Variants in ZHX2 observed in about 807,000 individuals in gnomAD.
ZHX2 encodes zinc fingers and homeoboxes protein 2.
In ZHX2, 6 loss-of-function variants were observed where a neutral mutation model predicts 21.9. The ratio of observed to expected loss-of-function variants is 0.27; its 90% CI spans 0.15 to 0.54. The LOEUF (loss-of-function observed/expected upper bound fraction) is 0.54, where lower values mean the gene tolerates loss of function less well. ZHX2 is among the 20% of genes least tolerant of loss of function. The pLI, the probability that ZHX2 is intolerant of heterozygous loss-of-function variation, is 0.95. For synonymous variants in ZHX2, 434 were observed against 437.1 expected, an observed-to-expected ratio of 0.99 and a Z score of 0.09; for missense variants, 908 against 1,090.7, an observed-to-expected ratio of 0.83 and a Z score of 2.36.
At chr8:122,972,832 C>A (rs1813759723) in intron 3 of ZHX2, among the ~76,000 whole-genome samples, 1 of 152,142 alleles carries the variant, frequency 6.6e-6, no homozygotes, top group Admixed American at 6.5e-5. Flanking sequence ...TACAGCCCTG[C>A]AGCCACTAAG....
chr8:122,952,453 T>C lies in ZHX2; in HGVS notation c.943T>C (p.Leu315=). Residue 315 remains leucine (L), a synonymous_variant, in exon 3 of 4, where the codon TTA becomes CTA. Transcript: ENST00000314393. This position sits in a 1 kb window ranked among gnomAD's most constrained non-coding sequence, Gnocchi z 6.9. The stretch of plus-strand genomic sequence containing the variant: ...CAGAATCTGGTTTGCCACCCAGCGC[T>C]TAAAGCATGGCATCAGCTGGTCCCC... ...HIRIWFATQR[L]KHGISWSPEE... The C allele has an allele frequency of 6.2e-7, 1 of 1,614,174 alleles. No homozygotes were observed. Among genetic ancestry groups the C allele is most frequent in the Non-Finnish European group, 8.5e-7 (1 of 1,180,036 alleles).
intron 1 of ZHX2, among the ~76,000 whole-genome samples, chr8:122,814,529 G>T (rs753276088): frequency 1.3e-5 from 2 of 152,204 alleles, no homozygotes; most frequent in Non-Finnish European, 2.9e-5. Flanking sequence ...GGATTAGTTA[G>T]ATCAGTTATG....
Position 122,952,635 on chromosome 8 carries a change from C to A in ZHX2, c.1125C>A (p.Ser375Arg), listed in dbSNP as rs373199431. Reference sequence around the variant, plus strand: ...CGTGCCAGATCCTCGGCCAGACTAGCCTGGTGCTGACTCAGGTGACCAGCG... The same window carrying A: ...CGTGCCAGATCCTCGGCCAGACTAGACTGGTGCTGACTCAGGTGACCAGCG... ...ALPCQILGQT[S>R]LVLTQVTSGS... is the part of the protein sequence containing the mutation. Residue 375 changes from serine (S) to arginine (R), a missense_variant, in exon 3 of 4, where the codon AGC becomes AGA. Coordinates refer to ENST00000314393, the MANE Select transcript of ZHX2 (RefSeq NM_014943.5). This position sits in a 1 kb window ranked among gnomAD's most constrained non-coding sequence, Gnocchi z 6.9. 8.7e-6 allele frequency: 14 copies of A among 1,614,056 alleles called. No homozygotes were observed. Among genetic ancestry groups the A allele is most frequent in the African/African-American group, 1.3e-5 (1 of 74,916 alleles).
chr8:122,890,361 C>T (rs1233091513), intron 2 of ZHX2, among the ~76,000 whole-genome samples: 2 of 152,068 alleles, frequency 1.3e-5, no homozygotes, highest in Non-Finnish European at 2.9e-5. Flanking sequence ...TTAACTATAG[C>T]TTTGTGGCAT....
chr8:122,971,065 T>C (rs1461642265), intron 3 of ZHX2, among the ~76,000 whole-genome samples: 1 of 152,190 alleles, frequency 6.6e-6, no homozygotes, highest in Non-Finnish European at 1.5e-5. Context: ...CAACATTTAA[T>C]CTCTCTAAGC....
intron 2 of ZHX2, among the ~76,000 whole-genome samples, chr8:122,918,962 A>C (rs955852107): frequency 6.6e-6 from 1 of 152,100 alleles, no homozygotes; most frequent in African/African-American, 2.4e-5. Context: ...AAAAAAAAAA[A>C]ACTTTATTTA....
At chr8:122,810,152 C>T (rs1218070291) in intron 1 of ZHX2, among the ~76,000 whole-genome samples, 2 of 152,148 alleles carry the variant, frequency 1.3e-5, no homozygotes, top group Admixed American at 6.5e-5. Flanking sequence ...AAATGAAGAC[C>T]TAAGTGCCAG....
At chr8:122,962,899 G>GT (rs968062603) in intron 3 of ZHX2, among the ~76,000 whole-genome samples, 50 of 149,088 alleles carry the variant, frequency 3.4e-4, no homozygotes, top group East Asian at 1.9e-3. Flanking sequence ...TTTTTTTCAT[G>GT]TTTTTTTTGG....
intron 1 of ZHX2, among the ~76,000 whole-genome samples, chr8:122,850,370 G>A (rs1190089325): frequency 3.9e-5 from 6 of 152,100 alleles, no homozygotes; most frequent in African/African-American, 1.4e-4. Flanking sequence ...GGGCGCAGTG[G>A]CTCATGCCTG....
chr8:122,963,083 C>G (rs1813496766), intron 3 of ZHX2, among the ~76,000 whole-genome samples: 1 of 152,160 alleles, frequency 6.6e-6, no homozygotes, highest in South Asian at 2.1e-4. Flanking sequence ...TCTGTTTACT[C>G]TGCTGATTAT....
chr8:122,885,063 C>T (rs980938053), intron 2 of ZHX2, among the ~76,000 whole-genome samples: 13 of 152,048 alleles, frequency 8.5e-5, no homozygotes, highest in Admixed American at 1.3e-4. Flanking sequence ...ATGGCTTGGA[C>T]CAGGGTTAGA....
At chr8:122,829,452 A>G (rs1818326287) in intron 1 of ZHX2, among the ~76,000 whole-genome samples, 1 of 152,222 alleles carries the variant, frequency 6.6e-6, no homozygotes, top group South Asian at 2.1e-4. Flanking sequence ...TTACTTTTCA[A>G]AGTTTATTTA....
At chr8:122,834,502 A>G (rs1818453885) in intron 1 of ZHX2, among the ~76,000 whole-genome samples, 2 of 152,226 alleles carry the variant, frequency 1.3e-5, no homozygotes, top group Admixed American at 6.5e-5. Flanking sequence ...GTGTGGAGCT[A>G]TGGCCCCGTG....
In ZHX2 at chr8:122,840,890, G is replaced by A. The variant is rs575318687; in HGVS notation, c.-282-22587G>A. ...TGCTCAAGGTCACTCAGCTTGTCAG[G>A]GCAGAGTGGGAGGAAAAGCCCGAAT... On this transcript the variant is annotated intron_variant, in intron 1 of 3. Coordinates refer to ENST00000314393, the MANE Select transcript of ZHX2 (RefSeq NM_014943.5). Among the ~76,000 whole-genome samples the A allele has an allele frequency of 2.0e-5, 3 of 152,276 alleles. No homozygotes were observed. In the South Asian group the frequency reaches 6.2e-4, roughly 32 times the overall value.
intron 2 of ZHX2, among the ~76,000 whole-genome samples, chr8:122,879,368 A>G (rs1042583572): frequency 2.6e-5 from 4 of 151,964 alleles, no homozygotes; most frequent in African/African-American, 4.8e-5. Context: ...CACCACGCCC[A>G]GCTAACTTTT....
At chr8:122,972,946 A>G (rs1339805128) in intron 3 of ZHX2, among the ~76,000 whole-genome samples, 1 of 152,180 alleles carries the variant, frequency 6.6e-6, no homozygotes. Flanking sequence ...TCTTGTAAGG[A>G]TGAAAAGAAT....
intron 3 of ZHX2, among the ~76,000 whole-genome samples, chr8:122,970,706 C>T (rs1813698760): frequency 6.6e-6 from 1 of 152,198 alleles, no homozygotes; most frequent in African/African-American, 2.4e-5. Flanking sequence ...TCAGTGGCAG[C>T]CTCCCTCCCA....
At chr8:122,865,215 G>A (rs1238773988) in intron 2 of ZHX2, among the ~76,000 whole-genome samples, 4 of 151,074 alleles carry the variant, frequency 2.6e-5, no homozygotes, top group Admixed American at 6.6e-5. Flanking sequence ...TGCAAGTTCC[G>A]CCTCCCAGGT....
chr8:122,925,655 T>C (rs1423661261), intron 2 of ZHX2, among the ~76,000 whole-genome samples: 1 of 151,992 alleles, frequency 6.6e-6, no homozygotes, highest in Non-Finnish European at 1.5e-5. Flanking sequence ...AGAGGGCTGG[T>C]TCAGGCAGAG....
Sources: gnomAD v4.1 joint callset for allele counts (sites outside exome capture counted in the v4.1 genomes callset) on GRCh38, gnomAD v4.1.1 for gene constraint, Gnocchi (gnomAD v3.1) non-coding constraint, MANE v1.5 for transcripts, NCBI Gene and HGNC (gene_info 2026-07-23, HGNC 2026-07-21) for gene names.